Variants in MRPL19 observed in about 807,000 individuals in gnomAD.
MRPL19 encodes the protein large ribosomal subunit protein bL19m.
Under a neutral mutation model 34.0 loss-of-function variants are expected in MRPL19, and 31 were observed. The observed-to-expected ratio is 0.91, with a 90% CI of 0.68 to 1.23. MRPL19 has a LOEUF of 1.23. MRPL19 is among the 50% of genes most tolerant of loss of function. MRPL19 has a pLI of 0.00. For synonymous variants in MRPL19, 152 were observed against 127.7 expected (o/e 1.19, Z -1.28); for missense variants, 384 against 367.6 (o/e 1.04, Z -0.37).
chr2:75,651,202 G>A (rs1000581115), intron 2 of MRPL19: 4 of 386,304 alleles, frequency 1.0e-5, no homozygotes, highest in East Asian at 6.8e-5. Context: ...TCTTCAGTTC[G>A]ATCTGTTAAT....
At position 75,656,529 on chromosome 2, in the gene MRPL19, G is replaced by A. The variant is rs756210391; in HGVS notation, c.*1244G>A. On this transcript the variant is annotated 3_prime_UTR_variant, in exon 6 of 6. Coordinates refer to ENST00000393909, the MANE Select transcript of MRPL19 (RefSeq NM_014763.4). ...GCACATCCTTTGGTAGCTTCTAGAG[G>A]AAGTTTGTGTGGAGGTAAAATTTTT... 15 of 152,094 alleles carry A rather than the reference G, an allele frequency of 9.9e-5. No individual in the cohort carries two copies. Among genetic ancestry groups the A allele is most frequent in the Non-Finnish European group, 1.9e-4 (13 of 68,008 alleles). 9.4% of individuals were successfully genotyped at this position (152,094 alleles called of 1,614,324 possible). A position where few individuals can be genotyped will look rare whatever the true frequency, so the allele number is the denominator to read the frequency against.
chr2:75,651,201 C>G (rs772329635), intron 2 of MRPL19: 1 of 385,724 alleles, frequency 2.6e-6, no homozygotes, highest in Non-Finnish European at 5.1e-6. Context: ...CTCTTCAGTT[C>G]GATCTGTTAA....
At chr2:75,651,164 T>C (rs1678323532) in intron 2 of MRPL19, 2 of 360,408 alleles carry the variant, frequency 5.5e-6, no homozygotes, top group Non-Finnish European at 1.1e-5. Context: ...CCCTGGGCCA[T>C]GGATAGGAAA....
In MRPL19 at chr2:75,660,531, C is replaced by T. The variant is rs1678587099; in HGVS notation, c.*5246C>T. 6.6e-6 allele frequency: 1 copy of T among 152,198 alleles called. No homozygotes were observed. The highest frequency in any genetic ancestry group is 2.4e-5 in the African/African-American group (1 of 41,454). 9.4% of individuals were successfully genotyped at this position (152,198 alleles called of 1,614,324 possible). ...TTATTTTTATTATTGAAGATTGTAG[C>T]AGTCTATTGCTACATGTGCAGTCAT... On this transcript the variant is annotated 3_prime_UTR_variant, in exon 6 of 6. Coordinates refer to ENST00000393909, the MANE Select transcript of MRPL19 (RefSeq NM_014763.4).
chr2:75,655,422 T>C lies in MRPL19; in HGVS notation c.*137T>C. ...TTCATTGTTTTATTAATACTTTTTT[T>C]CTAAAATAAAACTTGTACACCAGTT... On this transcript the variant is annotated 3_prime_UTR_variant, in exon 6 of 6. Coordinates refer to ENST00000393909, the MANE Select transcript of MRPL19 (RefSeq NM_014763.4). The C allele has an allele frequency of 1.0e-5, 7 of 684,724 alleles. No individual in the cohort carries two copies. Among genetic ancestry groups the C allele is most frequent in the Non-Finnish European group, 1.7e-5 (7 of 423,352 alleles). 42.4% of individuals were successfully genotyped at this position (684,724 alleles called of 1,614,324 possible).
Position 75,646,916 on chromosome 2 carries a change from T to C in MRPL19, c.103+6T>C. 1 of 1,578,492 alleles carries C rather than the reference T, an allele frequency of 6.3e-7. No homozygotes were observed. Among genetic ancestry groups the C allele is most frequent in the Non-Finnish European group, 8.6e-7 (1 of 1,163,272 alleles). On this transcript the variant is annotated splice_donor_region_variant and intron_variant, in intron 1 of 5. Coordinates refer to ENST00000393909, the MANE Select transcript of MRPL19 (RefSeq NM_014763.4). ...GCCGGCCTCTATCGCCTGCAGTAAGTGGAGCCGGACTTGCGAGCTGGGGCG... is the reference window on the plus strand; with the variant it reads ...GCCGGCCTCTATCGCCTGCAGTAAGCGGAGCCGGACTTGCGAGCTGGGGCG...
At position 75,647,148 on chromosome 2, in the gene MRPL19, G is replaced by T; in HGVS notation, c.150G>T (p.Glu50Asp). 1 of 1,578,856 alleles carries T rather than the reference G, an allele frequency of 6.3e-7. No individual in the cohort carries two copies. The highest frequency in any genetic ancestry group is 8.6e-7 in the Non-Finnish European group (1 of 1,161,732). Residue 50 changes from glutamate (E) to aspartate (D), a missense_variant, in exon 2 of 6, where the codon GAG (glutamate) becomes GAT (aspartate). Coordinates refer to ENST00000393909, the MANE Select transcript of MRPL19 (RefSeq NM_014763.4). ...PVRQQSTGPSEPGAFQPPPKP... is the reference protein window; with the variant it reads ...PVRQQSTGPSDPGAFQPPPKP... ...GGCAGCAGAGCACTGGGCCTTCCGA[G>T]CCCGGTGCGTTCCAACCGCCGCCGA...
intron 2 of MRPL19, 144 bp from the exon 3 acceptor site, chr2:75,651,998 A>C (rs1367936238): frequency 1.9e-6 from 1 of 518,938 alleles, no homozygotes; most frequent in African/African-American, 1.9e-5. Context: ...GAGCATTAAC[A>C]ATTTTAGAAA....
rs917236 is a variant in MRPL19 at position 75,656,264 on chromosome 2, G to T, written c.*979G>T. On this transcript the variant is annotated 3_prime_UTR_variant, in exon 6 of 6. Transcript: ENST00000393909. ...CATGGATTGGAAAGCTGGGGTATAA[G>T]CACACATGCTAAAGAAAAACATGTA... 75,856 of 151,958 alleles carry T rather than the reference G, an allele frequency of 0.5. 20,399 individuals carry two copies. Among genetic ancestry groups the T allele is most frequent in the African/African-American group, 0.72 (29,974 of 41,434 alleles). 9.4% of individuals were successfully genotyped at this position (151,958 alleles called of 1,614,324 possible). A position where few individuals can be genotyped will look rare whatever the true frequency, so the allele number is the denominator to read the frequency against.
chr2:75,647,327 C>G lies in MRPL19; in HGVS notation c.221+108C>G, dbSNP rs913543524. On this transcript the variant is annotated intron_variant, in intron 2 of 5. Transcript: ENST00000393909. The stretch of plus-strand genomic sequence containing the variant: ...GGTGGGGGCTGCACCTCCCCCTGCA[C>G]GAGCAGGTGTGTAGGATTCAAGAGC... 4 of 1,012,512 alleles carry G rather than the reference C, an allele frequency of 4.0e-6. No individual in the cohort carries two copies. The African/African-American group carries it at 6.5e-5, about 17-fold the overall frequency. 62.7% of individuals were successfully genotyped at this position (1,012,512 alleles called of 1,614,324 possible).
chr2:75,653,176 A>G (rs1410325331), intron 4 of MRPL19, among the ~76,000 whole-genome samples: 1 of 152,224 alleles, frequency 6.6e-6, no homozygotes, highest in Non-Finnish European at 1.5e-5. Context: ...AAACTCTAGC[A>G]AGATTATTAA....
At chr2:75,650,043 C>G (rs1385076838) in intron 2 of MRPL19, among the ~76,000 whole-genome samples, 1 of 152,096 alleles carries the variant, frequency 6.6e-6, no homozygotes, top group African/African-American at 2.4e-5. Flanking sequence ...CATTGTATTA[C>G]TATTTTTTGG....
chr2:75,652,156 A>C lies in MRPL19; in HGVS notation c.236A>C (p.Glu79Ala). The C allele has an allele frequency of 6.3e-7, 1 of 1,581,674 alleles. No homozygotes were observed. Among genetic ancestry groups the C allele is most frequent in the Middle Eastern group, 2.0e-4 (1 of 4,988 alleles). ...ATTTTTTACAGGTTCTTGAGTCCTG[A>C]ATTCATTCCTCGAAGGGGAAGAACA... ...VEPERRFLSP[E>A]FIPRRGRTDP... Residue 79 changes from glutamate to alanine, a missense_variant, in exon 3 of 6, where the codon GAA (glutamate) becomes GCA (alanine). Glu to Ala is a moderately radical substitution (Grantham distance 107, BLOSUM62 -1). Transcript: ENST00000393909.
intron 2 of MRPL19, chr2:75,651,404 G>A (rs1383007518): frequency 5.6e-6 from 3 of 537,340 alleles, no homozygotes; most frequent in South Asian, 1.4e-5. Flanking sequence ...TTACTGACTC[G>A]CTGCCACTTG....
chr2:75,647,404 ACTT>A lies in MRPL19; in HGVS notation c.221+189_221+191del, dbSNP rs1678248121. 8 of 579,948 alleles carry A rather than the reference ACTT, an allele frequency of 1.4e-5. No homozygotes were observed. The South Asian group carries it at 1.8e-4, about 13-fold the overall frequency. 35.9% of individuals were successfully genotyped at this position (579,948 alleles called of 1,614,324 possible). On this transcript the variant is annotated intron_variant, in intron 2 of 5. Coordinates refer to ENST00000393909, the MANE Select transcript of MRPL19 (RefSeq NM_014763.4). Reference sequence around the variant, plus strand: ...TCACTTCTCCCCAAGCCAGCATTGAACTTCTTTGCAGTTTTATTGAGTCAGAAC... The same window carrying A: ...TCACTTCTCCCCAAGCCAGCATTGAACTTTGCAGTTTTATTGAGTCAGAAC...
chr2:75,649,668 C>A (rs965598760), intron 2 of MRPL19, among the ~76,000 whole-genome samples: 1 of 152,038 alleles, frequency 6.6e-6, no homozygotes, highest in Non-Finnish European at 1.5e-5. Flanking sequence ...TGAGACAGAG[C>A]CTTGCTTTGT....
At position 75,646,825 on chromosome 2, in the gene MRPL19, AG is replaced by A; in HGVS notation, c.19del (p.Ala7ArgfsTer9). On this transcript the variant is annotated frameshift_variant, in exon 1 of 6. Coordinates refer to ENST00000393909, the MANE Select transcript of MRPL19 (RefSeq NM_014763.4). LOFTEE classifies it high-confidence loss of function. MAACIAAGHWAAMGLGR... is the reference protein window; with the variant it reads MAACIAXGHWAAMGLGR... ...TAGCTGGCATGGCGGCCTGCATTGC[AG>A]CGGGGCACTGGGCTGCAATGGGCCT... 1.3e-6 allele frequency: 2 copies of A among 1,562,170 alleles called. No individual in the cohort carries two copies. The highest frequency in any genetic ancestry group is 1.7e-4 in the Middle Eastern group (1 of 5,892).
At position 75,660,784 on chromosome 2, in the gene MRPL19, C is replaced by T. The variant is rs1678593426; in HGVS notation, c.*5499C>T. On this transcript the variant is annotated 3_prime_UTR_variant, in exon 6 of 6. Transcript: ENST00000393909. ...TGAGCCTAACAATCAGGCCCAAAAGCGTAGGGTCTTTGCAGATCTTGTCTG... is the reference window on the plus strand; with the variant it reads ...TGAGCCTAACAATCAGGCCCAAAAGTGTAGGGTCTTTGCAGATCTTGTCTG... The T allele has an allele frequency of 6.6e-6, 1 of 152,194 alleles. No individual in the cohort carries two copies. Among genetic ancestry groups the T allele is most frequent in the Admixed American group, 6.6e-5 (1 of 15,264 alleles). The allele number at this position is 152,194 out of a possible 1,614,324, so 9.4% of individuals were successfully genotyped here.
rs1212156041 is a variant in MRPL19, at chr2:75,656,856, A to G, written c.*1571A>G. 3.3e-5 allele frequency: 5 copies of G among 152,056 alleles called. No homozygotes were observed. The highest frequency in any genetic ancestry group is 7.4e-5 in the Non-Finnish European group (5 of 67,994). 9.4% of individuals were successfully genotyped at this position (152,056 alleles called of 1,614,324 possible). On this transcript the variant is annotated 3_prime_UTR_variant, in exon 6 of 6. Coordinates refer to ENST00000393909, the MANE Select transcript of MRPL19 (RefSeq NM_014763.4). Reference sequence around the variant, plus strand: ...TTATTCTCTGCTGCTTTGTTCTCCCAACTATTATTTGGATGTTGGATATCC... The same window carrying G: ...TTATTCTCTGCTGCTTTGTTCTCCCGACTATTATTTGGATGTTGGATATCC...
Sources: allele counts gnomAD v4.1 joint callset (sites outside exome capture counted in the v4.1 genomes callset), GRCh38; gene constraint gnomAD v4.1.1; transcripts MANE v1.5; gene names NCBI Gene and HGNC (gene_info 2026-07-23, HGNC 2026-07-21).